The following ANKRD29 variants were observed in gnomAD, a reference collection of about 807,000 sequenced individuals.
The protein encoded by ANKRD29 is ankyrin repeat domain-containing protein 29.
A neutral mutation model predicts 38.0 loss-of-function variants in ANKRD29; 32 were observed. The observed-to-expected ratio is 0.84, with a 90% CI of 0.64 to 1.13. The LOEUF (loss-of-function observed/expected upper bound fraction) is 1.13. Among genes scored for constraint, ANKRD29 ranks in the 50% most tolerant of loss-of-function variants. The pLI, the probability that ANKRD29 is intolerant of heterozygous loss-of-function variation, is 0.00. For synonymous variants in ANKRD29, 135 were observed against 152.4 expected, an observed-to-expected ratio of 0.89 and a Z score of 0.84; for missense variants, 357 against 377.9, an observed-to-expected ratio of 0.94 and a Z score of 0.46.
At chr18:23,607,232 A>G (rs1040460198) in intron 9 of ANKRD29, among the ~76,000 whole-genome samples, 3 of 152,208 alleles carry the variant, frequency 2.0e-5, no homozygotes, top group East Asian at 1.9e-4. Flanking sequence ...TTATTATGCT[A>G]TGCTACTACA....
intron 7 of ANKRD29, 64 bp downstream of exon 7, chr18:23,619,467 C>G: frequency 6.9e-7 from 1 of 1,451,604 alleles, no homozygotes; most frequent in Non-Finnish European, 9.1e-7. Context: ...CAGTCAAGAC[C>G]CGTTTTCTCC....
chr18:23,639,047 A>T, intron 3 of ANKRD29, 100 bp from the exon 4 acceptor site: 6 of 912,342 alleles, frequency 6.6e-6, no homozygotes, highest in Non-Finnish European at 8.0e-6. Flanking sequence ...TGCATAGAAA[A>T]CTTCTAGCCT....
intron 6 of ANKRD29, among the ~76,000 whole-genome samples, chr18:23,627,230 G>A (rs1196885172): frequency 6.6e-6 from 1 of 152,184 alleles, no homozygotes; most frequent in East Asian, 1.9e-4. Flanking sequence ...AATGGGGTGA[G>A]TGTACTCTGT....
rs557709994 is a variant in ANKRD29 at position 23,662,442 on chromosome 18, C to A, written c.21+268G>T. ...TACCCGGCGACAGTCCCCGCCGCCC[C>A]GTCGCCGGGCACAGACTCAGCCGAT... On this transcript the variant is annotated intron_variant, in intron 1 of 9. Transcript: ENST00000592179. Among the ~76,000 whole-genome samples the A allele has an allele frequency of 1.1e-3, 170 of 152,270 alleles. 1 individual carries two copies. Among genetic ancestry groups the A allele is most frequent in the African/African-American group, 3.9e-3 (161 of 41,550 alleles).
At chr18:23,605,284 C>A (rs552446210) in intron 9 of ANKRD29, among the ~76,000 whole-genome samples, 8 of 151,288 alleles carry the variant, frequency 5.3e-5, no homozygotes, top group Admixed American at 1.3e-4. Context: ...CCCAGGCTGG[C>A]ATGCAGTGGT....
At position 23,599,416 on chromosome 18, in the gene ANKRD29, TTG is replaced by T. The variant is rs1342693452; in HGVS notation, c.*1808_*1809del. On this transcript the variant is annotated 3_prime_UTR_variant, in exon 10 of 10. Transcript: ENST00000592179. ...TCATCCCATTTTGGCTTTTGGAACT[TTG>T]TTATCAGTACCCATAACGTTTTGCT... 1 of 152,282 alleles carries T rather than the reference TTG, an allele frequency of 6.6e-6. No individual in the cohort carries two copies. The highest frequency in any genetic ancestry group is 2.4e-5 in the African/African-American group (1 of 41,482). The allele number at this position is 152,282 out of a possible 1,614,324, so 9.4% of individuals were successfully genotyped here.
intron 6 of ANKRD29, among the ~76,000 whole-genome samples, chr18:23,624,292 C>A (rs931258777): frequency 6.6e-6 from 1 of 151,444 alleles, no homozygotes; most frequent in Non-Finnish European, 1.5e-5. Flanking sequence ...TATGGCAAAA[C>A]TCTGTCTCAA....
At chr18:23,607,672 C>T (rs377495073) in intron 9 of ANKRD29, among the ~76,000 whole-genome samples, 23 of 152,222 alleles carry the variant, frequency 1.5e-4, no homozygotes, top group Admixed American at 1.4e-3. Context: ...CTTCCCTCCC[C>T]GTTAGTCCCC....
chr18:23,606,522 G>A (rs1441141667), intron 9 of ANKRD29, among the ~76,000 whole-genome samples: 1 of 151,976 alleles, frequency 6.6e-6, no homozygotes, highest in Admixed American at 6.6e-5. Flanking sequence ...TATTGCCCAG[G>A]TTGGTCTTGA....
intron 5 of ANKRD29, 22 bp downstream of exon 5, chr18:23,634,029 T>C (rs772745577): frequency 1.9e-6 from 3 of 1,611,164 alleles, no homozygotes; most frequent in South Asian, 1.1e-5. Context: ...AATGTCCTAA[T>C]GTCCCCCTGA....
At chr18:23,639,621 T>G (rs1313106557) in intron 3 of ANKRD29, among the ~76,000 whole-genome samples, 2 of 151,360 alleles carry the variant, frequency 1.3e-5, no homozygotes, top group Non-Finnish European at 2.9e-5. Context: ...CTGCAACCTC[T>G]GCCTCCCAGG....
At chr18:23,639,811 C>T (rs1428148833) in intron 3 of ANKRD29, among the ~76,000 whole-genome samples, 1 of 152,176 alleles carries the variant, frequency 6.6e-6, no homozygotes, top group Admixed American at 6.5e-5. Flanking sequence ...GCTGGGATTA[C>T]AGGCATGAGC....
intron 6 of ANKRD29, among the ~76,000 whole-genome samples, chr18:23,624,901 C>A (rs140996858): frequency 6.6e-6 from 1 of 152,282 alleles, no homozygotes; most frequent in East Asian, 1.9e-4. Flanking sequence ...TATGACACAA[C>A]CTGTATTAGA....
intron 6 of ANKRD29, among the ~76,000 whole-genome samples, chr18:23,628,849 AAAAG>A (rs1220386524): frequency 1.3e-5 from 2 of 150,948 alleles, no homozygotes; most frequent in African/African-American, 4.9e-5. Flanking sequence ...AAAAAAAAAA[AAAAG>A]TTAATCTGGA....
At chr18:23,631,822 G>A (rs552293568) in intron 5 of ANKRD29, among the ~76,000 whole-genome samples, 3 of 152,172 alleles carry the variant, frequency 2.0e-5, no homozygotes, top group Admixed American at 6.5e-5. Context: ...CGGTGCTTTC[G>A]GCAGACGTGT....
chr18:23,649,537 G>T (rs1488445065), intron 1 of ANKRD29: 4 of 516,008 alleles, frequency 7.8e-6, no homozygotes, highest in Admixed American at 2.3e-5. Context: ...CAAGGCCAAG[G>T]CTCTGCTCGA....
At chr18:23,649,008 T>G in intron 2 of ANKRD29, 75 bp downstream of exon 2, 1 of 1,173,264 alleles carries the variant, frequency 8.5e-7, no homozygotes, top group South Asian at 1.4e-5. Context: ...TAAAGGGGAA[T>G]GTATTCCTGA....
chr18:23,632,275 A>C (rs1314574085), intron 5 of ANKRD29, among the ~76,000 whole-genome samples: 1 of 151,970 alleles, frequency 6.6e-6, no homozygotes, highest in African/African-American at 2.4e-5. Context: ...GGAATTTTCC[A>C]AGATGAACTA....
chr18:23,662,703 C>A lies in ANKRD29; in HGVS notation c.21+7G>T. 2.7e-6 allele frequency: 4 copies of A among 1,475,342 alleles called. No homozygotes were observed. In the South Asian group the frequency reaches 5.1e-5, roughly 19 times the overall value. 91.4% of individuals were successfully genotyped at this position (1,475,342 alleles called of 1,614,324 possible). A position where few individuals can be genotyped will look rare whatever the true frequency, so the allele number is the denominator to read the frequency against. ...CCAGCCCTGACCCCGGAGTCCCGGT[C>A]GCTCACCTTGAAGGACATCCTGCAC... On this transcript the variant is annotated splice_region_variant and intron_variant, in intron 1 of 9. Coordinates refer to ENST00000592179, the MANE Select transcript of ANKRD29 (RefSeq NM_173505.4).
Sources: gnomAD v4.1 joint callset for allele counts (sites outside exome capture counted in the v4.1 genomes callset) on GRCh38, gnomAD v4.1.1 for gene constraint, MANE v1.5 for transcripts, NCBI Gene and HGNC (gene_info 2026-07-23, HGNC 2026-07-21) for gene names.